The following SYT1 variants were observed in gnomAD, a reference collection of about 807,000 sequenced individuals.
SYT1 encodes the protein synaptotagmin 1.
A neutral mutation model predicts 44.8 loss-of-function variants in SYT1; 8 were observed. The ratio of observed to expected loss-of-function variants is 0.18; its 90% CI spans 0.10 to 0.32. SYT1 has a LOEUF of 0.32. SYT1 is among the 10% of genes least tolerant of loss of function. The pLI is 1.00. For synonymous variants in SYT1, 154 were observed against 188.8 expected, an observed-to-expected ratio of 0.82 and a Z score of 1.51; for missense variants, 286 against 509.3, an observed-to-expected ratio of 0.56 and a Z score of 4.22.
At chr12:79,408,933 C>A (rs1359044578) in intron 9 of SYT1, among the ~76,000 whole-genome samples, 2 of 152,008 alleles carry the variant, frequency 1.3e-5, no homozygotes, top group Non-Finnish European at 2.9e-5. Flanking sequence ...AACCTCTGTT[C>A]TCTGATCTCC....
At chr12:79,079,693 A>T (rs151164694) in intron 3 of SYT1, among the ~76,000 whole-genome samples, 2 of 152,234 alleles carry the variant, frequency 1.3e-5, no homozygotes, top group African/African-American at 4.8e-5. Flanking sequence ...ACGTTATGTT[A>T]TGAACATATA....
chr12:79,322,643 C>T (rs1009482464), intron 8 of SYT1, among the ~76,000 whole-genome samples: 4 of 152,208 alleles, frequency 2.6e-5, no homozygotes, highest in African/African-American at 7.2e-5. Flanking sequence ...ACTCTCGGGG[C>T]GTTGGGCATT....
At chr12:79,402,969 C>G (rs1440563681) in intron 9 of SYT1, among the ~76,000 whole-genome samples, 2 of 152,138 alleles carry the variant, frequency 1.3e-5, no homozygotes, top group African/African-American at 4.8e-5. Context: ...AAAAGCAATT[C>G]AAAGCATGGT....
chr12:78,958,144 T>C (rs978405475), intron 1 of SYT1, among the ~76,000 whole-genome samples: 15 of 152,142 alleles, frequency 9.9e-5, no homozygotes, highest in African/African-American at 1.4e-4. Context: ...CCAAGTGTCC[T>C]TTAATAAATG....
At chr12:79,427,340 T>C (rs1213070801) in intron 9 of SYT1, among the ~76,000 whole-genome samples, 2 of 152,196 alleles carry the variant, frequency 1.3e-5, no homozygotes, top group East Asian at 1.9e-4. Flanking sequence ...ACAATTCTTA[T>C]GGGCCTGTGC....
chr12:79,088,742 G>GTA (rs1289640700), intron 3 of SYT1, among the ~76,000 whole-genome samples: 2 of 102,134 alleles, frequency 2.0e-5, no homozygotes, highest in Non-Finnish European at 4.2e-5. Context: ...TTGGGCCTGT[G>GTA]TGTGTGTGTG....
intron 3 of SYT1, among the ~76,000 whole-genome samples, chr12:79,048,318 T>C (rs1874223477): frequency 1.3e-5 from 2 of 151,886 alleles, no homozygotes; most frequent in African/African-American, 4.8e-5. Context: ...ATAGGATATA[T>C]ACAAATTATT....
rs201418372 is a variant in SYT1 at position 79,125,088 on chromosome 12, CT to C, written c.-18+77728del. Among the ~76,000 whole-genome samples, 987 of 152,150 alleles carry C rather than the reference CT, an allele frequency of 6.5e-3. 14 individuals are homozygous for C. The highest frequency in any genetic ancestry group is 0.034 in the Admixed American group (519 of 15,292). ...AGGACTACAGTATAACATATGCATCCTTGCGTCTTTTTATTTCTCATGACGA... is the reference window on the plus strand; with the variant it reads ...AGGACTACAGTATAACATATGCATCCTGCGTCTTTTTATTTCTCATGACGA... On this transcript the variant is annotated intron_variant, in intron 3 of 10. Coordinates refer to ENST00000261205, the MANE Select transcript of SYT1 (RefSeq NM_005639.3).
chr12:78,905,412 A>C (rs114621047), intron 1 of SYT1, among the ~76,000 whole-genome samples: 1 of 152,116 alleles, frequency 6.6e-6, no homozygotes, highest in Non-Finnish European at 1.5e-5. Flanking sequence ...TCTAACTTGT[A>C]TGTTGACAGT....
At chr12:79,322,321 G>A (rs1471705919) in intron 8 of SYT1, among the ~76,000 whole-genome samples, 2 of 151,924 alleles carry the variant, frequency 1.3e-5, no homozygotes, top group African/African-American at 4.8e-5. Flanking sequence ...GGAAACTGCC[G>A]CTGGCCTCAT....
chr12:79,442,874 G>A (rs1224517222), intron 9 of SYT1, among the ~76,000 whole-genome samples: 2 of 152,102 alleles, frequency 1.3e-5, no homozygotes, highest in African/African-American at 2.4e-5. Flanking sequence ...TTATTTTAGG[G>A]AAGTAAAATC....
chr12:79,335,433 T>C (rs1882048100), intron 8 of SYT1, among the ~76,000 whole-genome samples: 2 of 151,578 alleles, frequency 1.3e-5, no homozygotes, highest in African/African-American at 4.9e-5. Context: ...TAATCTTCTG[T>C]GGACTTCAAA....
intron 10 of SYT1, among the ~76,000 whole-genome samples, chr12:79,446,619 A>G (rs2136207343): frequency 6.6e-6 from 1 of 152,320 alleles, no homozygotes; most frequent in South Asian, 2.1e-4. Flanking sequence ...ATTGGTTGAT[A>G]GTTTTAAATA....
chr12:78,980,732 A>G (rs1200229331), intron 2 of SYT1, among the ~76,000 whole-genome samples: 1 of 152,190 alleles, frequency 6.6e-6, no homozygotes, highest in Non-Finnish European at 1.5e-5. Flanking sequence ...AAACAATACT[A>G]TATGATCGTC....
intron 8 of SYT1, among the ~76,000 whole-genome samples, chr12:79,300,464 A>G (rs1311115844): frequency 1.3e-5 from 2 of 152,004 alleles, no homozygotes; most frequent in South Asian, 4.1e-4. Flanking sequence ...GAGATCAGAG[A>G]GAACGTCAGG....
At position 79,291,516 on chromosome 12, in the gene SYT1, G is replaced by T. The variant is rs74110316; in HGVS notation, c.352-492G>T. On this transcript the variant is annotated intron_variant, in intron 5 of 10. Transcript: ENST00000261205. ...AACACAGGGAATTTAAATTTTCTGA[G>T]GATCATTACTGAACTATCTTTTTCA... is the stretch of plus-strand genomic sequence containing the variant. Among the ~76,000 whole-genome samples, 564 of 152,176 alleles carry T rather than the reference G, an allele frequency of 3.7e-3. 7 individuals are homozygous for T. Among genetic ancestry groups the T allele is most frequent in the African/African-American group, 0.013 (548 of 41,520 alleles).
At chr12:79,433,696 T>C (rs1169345124) in intron 9 of SYT1, among the ~76,000 whole-genome samples, 1 of 152,214 alleles carries the variant, frequency 6.6e-6, no homozygotes, top group East Asian at 1.9e-4. Flanking sequence ...TTTGCAGTCA[T>C]CTAGAAAGAA....
At chr12:78,985,658 A>C (rs913533628) in intron 2 of SYT1, among the ~76,000 whole-genome samples, 1 of 151,812 alleles carries the variant, frequency 6.6e-6, no homozygotes, top group Non-Finnish European at 1.5e-5. Context: ...AATTCTAAAA[A>C]TTTTGGGACT....
intron 9 of SYT1, among the ~76,000 whole-genome samples, chr12:79,395,421 G>A (rs7301824): frequency 0.029 from 4,375 of 152,240 alleles, 220 homozygotes; most frequent in African/African-American, 0.1. Flanking sequence ...GTTTCACCAT[G>A]TTGACCAGGC....
Sources: gnomAD v4.1 joint callset for allele counts (sites outside exome capture counted in the v4.1 genomes callset) on GRCh38, gnomAD v4.1.1 for gene constraint, MANE v1.5 for transcripts, NCBI Gene and HGNC (gene_info 2026-07-23, HGNC 2026-07-21) for gene names.